Variants in TLN2 observed in about 807,000 individuals in gnomAD.
TLN2 encodes talin 2, also known as talin-2.
In TLN2, 118 loss-of-function variants were observed where a neutral mutation model predicts 294.7. The ratio of observed to expected loss-of-function variants is 0.40; its 90% CI spans 0.34 to 0.47. The LOEUF is 0.47. TLN2 is among the 20% of genes least tolerant of loss of function. TLN2 has a pLI of 0.84. For missense variants in TLN2, 3,083 were observed against 3,282.2 expected (o/e 0.94, Z 1.48); for synonymous variants, 1,431 against 1,304.5 (o/e 1.10, Z -2.09).
chr15:62,664,068 T>C (rs571528153), intron 9 of TLN2, among the ~76,000 whole-genome samples: 37 of 152,144 alleles, frequency 2.4e-4, no homozygotes, highest in African/African-American at 7.7e-4. Context: ...CATAAGGTGA[T>C]ATAGTAATTC....
intron 43 of TLN2, among the ~76,000 whole-genome samples, chr15:62,780,077 C>T (rs893150695): frequency 2.6e-5 from 4 of 152,220 alleles, no homozygotes; most frequent in East Asian, 1.9e-4. Flanking sequence ...CCACTGTTGT[C>T]GTCATGATTT....
At chr15:62,694,447 C>A in intron 14 of TLN2, 55 bp downstream of exon 14, 1 of 1,493,526 alleles carries the variant, frequency 6.7e-7, no homozygotes, top group South Asian at 1.1e-5. Flanking sequence ...AGGTAGGTTT[C>A]CTCTTGCCAG....
chr15:62,458,203 C>G (rs944975359), intron 1 of TLN2, among the ~76,000 whole-genome samples: 11 of 152,074 alleles, frequency 7.2e-5, no homozygotes, highest in African/African-American at 2.4e-4. Context: ...GTAGCGATGA[C>G]CAGTGGGGAC....
At chr15:62,797,453 G>A in intron 48 of TLN2, 51 bp downstream of exon 48, 1 of 1,519,198 alleles carries the variant, frequency 6.6e-7, no homozygotes, top group East Asian at 2.3e-5. Context: ...CGTGAACGCT[G>A]CACATCGGGC....
intron 45 of TLN2, among the ~76,000 whole-genome samples, chr15:62,788,587 G>A (rs2064861002): frequency 6.6e-6 from 1 of 152,146 alleles, no homozygotes; most frequent in Admixed American, 6.5e-5. Flanking sequence ...AGTAAACCCA[G>A]GCTCAGGGAA....
intron 3 of TLN2, among the ~76,000 whole-genome samples, chr15:62,644,131 T>C (rs1596470895): frequency 6.6e-6 from 1 of 152,096 alleles, no homozygotes; most frequent in African/African-American, 2.4e-5. Flanking sequence ...CTGAACCTGC[T>C]ACTCCAGGCT....
At chr15:62,405,275 C>T (rs942321247) in intron 1 of TLN2, among the ~76,000 whole-genome samples, 11 of 152,080 alleles carry the variant, frequency 7.2e-5, no homozygotes, top group Admixed American at 5.2e-4. Context: ...TAAACTGAAT[C>T]GGGAGCCCTA....
chr15:62,677,588 T>C (rs1291007660), intron 11 of TLN2, among the ~76,000 whole-genome samples: 1 of 152,186 alleles, frequency 6.6e-6, no homozygotes, highest in Non-Finnish European at 1.5e-5. Flanking sequence ...ATCTTCTCAT[T>C]ATAGCAGGGT....
At chr15:62,724,690 C>G (rs879672605) in intron 26 of TLN2, among the ~76,000 whole-genome samples, 1 of 152,098 alleles carries the variant, frequency 6.6e-6, no homozygotes, top group African/African-American at 2.4e-5. Context: ...AATAAATGAT[C>G]CACTGAGTCT....
intron 7 of TLN2, among the ~76,000 whole-genome samples, chr15:62,655,463 T>C (rs180838505): frequency 2.1e-3 from 320 of 152,308 alleles, no homozygotes; most frequent in African/African-American, 7.2e-3. Flanking sequence ...CTTCCTCTTT[T>C]CTACTTGAGA....
At chr15:62,521,472 G>T (rs959237046) in intron 1 of TLN2, among the ~76,000 whole-genome samples, 1 of 109,716 alleles carries the variant, frequency 9.1e-6, no homozygotes, top group Non-Finnish European at 2.0e-5. Flanking sequence ...GGAGACAGTT[G>T]GGGGGCAAGT....
At chr15:62,410,255 GAAAA>G (rs923619679) in intron 1 of TLN2, among the ~76,000 whole-genome samples, 2 of 144,450 alleles carry the variant, frequency 1.4e-5, no homozygotes, top group African/African-American at 5.1e-5. Flanking sequence ...AAGAAAAAAA[GAAAA>G]AAAAAAGGGA....
At chr15:62,770,294 A>G (rs1303252120) in intron 41 of TLN2, among the ~76,000 whole-genome samples, 5 of 152,252 alleles carry the variant, frequency 3.3e-5, no homozygotes. Flanking sequence ...TTTGCAACAC[A>G]TGGCCCACAG....
chr15:62,721,289 G>A (rs2060133057), intron 25 of TLN2, among the ~76,000 whole-genome samples: 1 of 152,118 alleles, frequency 6.6e-6, no homozygotes, highest in Non-Finnish European at 1.5e-5. Flanking sequence ...AGTATATAGA[G>A]CATGCTTTTA....
intron 31 of TLN2, 102 bp downstream of exon 31, chr15:62,739,647 A>C (rs1435745560): frequency 7.2e-7 from 1 of 1,396,582 alleles, no homozygotes; most frequent in Non-Finnish European, 9.8e-7. Context: ...GGAACCTGGA[A>C]ACAGGCAGGC....
intron 47 of TLN2, 124 bp downstream of exon 47, chr15:62,796,417 C>T (rs1453740433): frequency 2.5e-6 from 3 of 1,188,238 alleles, no homozygotes; most frequent in Non-Finnish European, 2.3e-6. Context: ...ACAAGATGCA[C>T]AAGTTGGGAA....
rs368027282 is a variant in TLN2 at position 62,805,791 on chromosome 15, G to C, written c.6663+6G>C. 3.1e-6 allele frequency: 5 copies of C among 1,611,552 alleles called. No homozygotes were observed. In the African/African-American group the frequency reaches 6.7e-5, roughly 21 times the overall value. On this transcript the variant is annotated splice_donor_region_variant and intron_variant, in intron 51 of 58. Coordinates refer to ENST00000636159, the MANE Select transcript of TLN2 (RefSeq NM_015059.3). Reference sequence around the variant, plus strand: ...ATATGTTGACGGCTTGCAAGGTAAAGAGCTTGGCATGGTTTTGGATGGACA... The same window carrying C: ...ATATGTTGACGGCTTGCAAGGTAAACAGCTTGGCATGGTTTTGGATGGACA...
intron 40 of TLN2, among the ~76,000 whole-genome samples, chr15:62,764,049 A>C (rs917617494): frequency 2.0e-5 from 3 of 152,188 alleles, no homozygotes; most frequent in Non-Finnish European, 4.4e-5. Context: ...AATTTTGAAT[A>C]ATTCTCTGTT....
At chr15:62,770,521 G>A (rs2063289693) in intron 41 of TLN2, among the ~76,000 whole-genome samples, 1 of 152,184 alleles carries the variant, frequency 6.6e-6, no homozygotes, top group African/African-American at 2.4e-5. Context: ...TGGGCAAAAG[G>A]CAGTTGGGAT....
Sources: allele counts gnomAD v4.1 joint callset (sites outside exome capture counted in the v4.1 genomes callset), GRCh38; gene constraint gnomAD v4.1.1; transcripts MANE v1.5; gene names NCBI Gene and HGNC (gene_info 2026-07-23, HGNC 2026-07-21).